Variants in TENM2 observed in about 807,000 individuals in gnomAD.
TENM2 encodes the protein teneurin transmembrane protein 2, also known as teneurin-2.
A neutral mutation model predicts 245.2 loss-of-function variants in TENM2; 52 were observed. The observed-to-expected ratio is 0.21, with a 90% CI of 0.17 to 0.27. The LOEUF (loss-of-function observed/expected upper bound fraction) is 0.27, where lower values mean the gene tolerates loss of function less well. TENM2 is among the 10% of genes least tolerant of loss of function. The pLI is 1.00. For synonymous variants in TENM2, 1,363 were observed against 1,438.9 expected (o/e 0.95, Z 1.19); for missense variants, 3,046 against 3,666.8 (o/e 0.83, Z 4.37).
the TENM2 span, among the ~76,000 whole-genome samples, chr5:167,074,716 C>G: frequency 6.6e-6 from 1 of 152,188 alleles, no homozygotes; most frequent in African/African-American, 2.4e-5. Context: ...CTTGCTGGCT[C>G]CATACGTTTT....
intron 3 of TENM2, among the ~76,000 whole-genome samples, chr5:167,900,400 A>G (rs1452370619): frequency 1.3e-5 from 2 of 152,188 alleles, no homozygotes; most frequent in Non-Finnish European, 2.9e-5. Context: ...GTTAAATGAT[A>G]TTCCCAGCAG....
chr5:168,204,162 G>A (rs1762165200), intron 18 of TENM2, among the ~76,000 whole-genome samples: 2 of 151,352 alleles, frequency 1.3e-5, no homozygotes, highest in South Asian at 4.2e-4. Flanking sequence ...AAGCTTCTTT[G>A]GTTATCCTCC....
chr5:168,071,848 A>G (rs1426669419), intron 7 of TENM2, among the ~76,000 whole-genome samples: 1 of 152,242 alleles, frequency 6.6e-6, no homozygotes, highest in East Asian at 1.9e-4. Flanking sequence ...AGCCGAACTC[A>G]CAGTGCCCCT....
Position 167,764,032 on chromosome 5 carries a change from C to A in TENM2, c.503-111954C>A, listed in dbSNP as rs182420083. 1.8e-4 allele frequency among the ~76,000 whole-genome samples: 27 copies of A among 152,128 alleles called. 1 individual carries two copies. The highest frequency in any genetic ancestry group is 3.4e-3 in the Middle Eastern group (1 of 294). On this transcript the variant is annotated intron_variant, in intron 2 of 28. Transcript: ENST00000518659. ...CCACTCCTGCTGATAGTGTGCATTGCGTGTCTCTGTGTTGGCTTCTTAGCG... is the reference window on the plus strand; with the variant it reads ...CCACTCCTGCTGATAGTGTGCATTGAGTGTCTCTGTGTTGGCTTCTTAGCG...
chr5:167,045,905 A>G, the TENM2 span, among the ~76,000 whole-genome samples: 4 of 152,176 alleles, frequency 2.6e-5, no homozygotes. Context: ...TTTGTACCTG[A>G]GGAGAATTAG....
intron 2 of TENM2, among the ~76,000 whole-genome samples, chr5:167,714,792 C>T (rs1481987134): frequency 1.3e-5 from 2 of 152,134 alleles, no homozygotes; most frequent in Non-Finnish European, 2.9e-5. Context: ...GACCCTGTGC[C>T]AAAACTCATT....
At chr5:167,409,977 T>C (rs540801414) in intron 2 of TENM2, among the ~76,000 whole-genome samples, 1 of 152,106 alleles carries the variant, frequency 6.6e-6, no homozygotes, top group Admixed American at 6.6e-5. Flanking sequence ...TAATTAATAT[T>C]AATTTAATAA....
At chr5:168,013,980 C>T (rs1029335051) in intron 5 of TENM2, among the ~76,000 whole-genome samples, 10 of 152,204 alleles carry the variant, frequency 6.6e-5, no homozygotes, top group African/African-American at 1.9e-4. Context: ...TCTGTCCCTG[C>T]GTCCAAGTTT....
chr5:166,993,080 C>A, the TENM2 span, among the ~76,000 whole-genome samples: 8 of 152,014 alleles, frequency 5.3e-5, no homozygotes, highest in East Asian at 1.6e-3. Context: ...TATCTTTAGG[C>A]TTGGAGAGGA....
the TENM2 span, among the ~76,000 whole-genome samples, chr5:166,995,593 A>T: frequency 2.0e-4 from 30 of 151,938 alleles, no homozygotes; most frequent in African/African-American, 7.3e-4. Context: ...GAGCAGGCGG[A>T]TCACCTGAGG....
rs1457212915 is a variant in TENM2, at chr5:167,458,285, G to C, written c.502+82812G>C. On this transcript the variant is annotated intron_variant, in intron 2 of 28. Coordinates refer to ENST00000518659, the Ensembl canonical transcript of TENM2. Reference sequence around the variant, plus strand: ...GTGGATCACCTGAGATCAGGAGTTCGAGACCAGCTTGGGCAACATGGTGAA... The same window carrying C: ...GTGGATCACCTGAGATCAGGAGTTCCAGACCAGCTTGGGCAACATGGTGAA... Among the ~76,000 whole-genome samples, 4 of 151,538 alleles carry C rather than the reference G, an allele frequency of 2.6e-5. 1 individual carries two copies. The highest frequency in any genetic ancestry group is 5.9e-5 in the Non-Finnish European group (4 of 67,800).
chr5:167,844,010 A>T lies in TENM2; in HGVS notation c.503-31976A>T, dbSNP rs78782454. On this transcript the variant is annotated intron_variant, in intron 2 of 28. Coordinates refer to ENST00000518659, the Ensembl canonical transcript of TENM2. ...ACTGGTGAGGCATCTCTTTTGGCTGAGTTAATCTTTATAGTGAAGATATAC... is the reference window on the plus strand; with the variant it reads ...ACTGGTGAGGCATCTCTTTTGGCTGTGTTAATCTTTATAGTGAAGATATAC... Among the ~76,000 whole-genome samples, 339 of 152,284 alleles carry T rather than the reference A, an allele frequency of 2.2e-3. 5 individuals carry two copies. The East Asian group carries it at 0.034, about 15-fold the overall frequency.
At chr5:167,459,913 C>CAT (rs1256912527) in intron 2 of TENM2, among the ~76,000 whole-genome samples, 2 of 134,342 alleles carry the variant, frequency 1.5e-5, no homozygotes, top group Non-Finnish European at 3.0e-5. Flanking sequence ...TAAAGATAAA[C>CAT]ACACACACAC....
chr5:168,090,063 C>G (rs1792790429), intron 7 of TENM2, among the ~76,000 whole-genome samples: 1 of 152,086 alleles, frequency 6.6e-6, no homozygotes. Context: ...TAGCTGGTAA[C>G]ATGGGTTCAT....
chr5:167,837,396 G>A (rs1769099172), intron 2 of TENM2, among the ~76,000 whole-genome samples: 1 of 152,090 alleles, frequency 6.6e-6, no homozygotes, highest in Non-Finnish European at 1.5e-5. Context: ...AAAGGTTGTA[G>A]ATCAAAATAC....
chr5:168,134,951 T>C (rs148247166), intron 12 of TENM2, among the ~76,000 whole-genome samples: 3 of 152,312 alleles, frequency 2.0e-5, no homozygotes, highest in African/African-American at 7.2e-5. Flanking sequence ...TTTCTCAAGT[T>C]TGAGGATGCT....
intron 2 of TENM2, among the ~76,000 whole-genome samples, chr5:167,507,412 C>G (rs545286916): frequency 6.6e-6 from 1 of 152,090 alleles, no homozygotes; most frequent in Non-Finnish European, 1.5e-5. Flanking sequence ...TAAAATGCCA[C>G]GCAATCTAGC....
chr5:167,699,392 A>G (rs550037471), intron 2 of TENM2, among the ~76,000 whole-genome samples: 1 of 152,262 alleles, frequency 6.6e-6, no homozygotes, highest in South Asian at 2.1e-4. Context: ...AGGGGTAAGT[A>G]AAGATGTAAA....
chr5:168,254,247 C>G (rs1767431838), intron 27 of TENM2, among the ~76,000 whole-genome samples: 1 of 152,246 alleles, frequency 6.6e-6, no homozygotes, highest in South Asian at 2.1e-4. Context: ...AAGCAATTCC[C>G]TCTAGACAGA....
Sources: allele counts gnomAD v4.1 joint callset (sites outside exome capture counted in the v4.1 genomes callset), GRCh38; gene constraint gnomAD v4.1.1; transcripts MANE v1.5; gene names NCBI Gene and HGNC (gene_info 2026-07-23, HGNC 2026-07-21).